DDX19A: variants seen among roughly 807,000 people sequenced by gnomAD.
DDX19A encodes the protein ATP-dependent RNA helicase DDX19A.
DDX19A carries 12 observed loss-of-function variants against 60.6 expected under a neutral mutation model. That is an observed-to-expected ratio of 0.20 (90% CI 0.13 to 0.32). DDX19A has a LOEUF of 0.32. Among genes scored for constraint, DDX19A ranks in the 10% least tolerant of loss-of-function variants. The probability of loss-of-function intolerance (pLI) is 1.00; values close to 1 mark genes in which losing one functional copy is unlikely to be tolerated. For synonymous variants in DDX19A, 206 were observed against 218.2 expected, an observed-to-expected ratio of 0.94 and a Z score of 0.49; for missense variants, 337 against 600.6, an observed-to-expected ratio of 0.56 and a Z score of 4.59.
At chr16:70,348,042 G>A (rs1963893893) in intron 1 of DDX19A, 1 of 436,152 alleles carries the variant, frequency 2.3e-6, no homozygotes, top group Non-Finnish European at 4.6e-6. Context: ...GGCTGGCAAG[G>A]ATTTATTGAA....
At chr16:70,366,284 G>T in intron 8 of DDX19A, 22 bp downstream of exon 8, 2 of 1,613,528 alleles carry the variant, frequency 1.2e-6, no homozygotes, top group South Asian at 1.1e-5. Flanking sequence ...GAGGGTGGGG[G>T]ACTCCTCAGA....
intron 2 of DDX19A, 44 bp from the exon 3 acceptor site, chr16:70,355,441 C>T: frequency 7.3e-7 from 1 of 1,372,960 alleles, no homozygotes; most frequent in Non-Finnish European, 1.0e-6. Context: ...TTTGGTGGTT[C>T]TCATATTTGC....
chr16:70,369,119 G>A (rs745362702), intron 9 of DDX19A, among the ~76,000 whole-genome samples: 2 of 151,216 alleles, frequency 1.3e-5, no homozygotes, highest in South Asian at 2.1e-4. Context: ...CGCCCGCCTC[G>A]GCCTCCCAAA....
rs1308743627 is a variant in DDX19A, at chr16:70,353,129, C to CTTTTTTTT, written c.107-2352_107-2345dup. ...TGCATTTGCGATTTTTTCTTTCTTT[C>CTTTTTTTT]TTTTTTTTTTTCTTTGAGATGGATT... On this transcript the variant is annotated intron_variant, in intron 2 of 11. Transcript: ENST00000302243. Among the ~76,000 whole-genome samples the CTTTTTTTT allele has an allele frequency of 1.5e-3, 222 of 144,670 alleles. 2 individuals carry two copies. Among genetic ancestry groups the CTTTTTTTT allele is most frequent in the African/African-American group, 5.0e-3 (194 of 38,796 alleles). The allele number at this position is 144,670 out of a possible 152,430, so 94.9% of individuals were successfully genotyped here.
chr16:70,358,172 A>G (rs923766856), intron 4 of DDX19A, among the ~76,000 whole-genome samples: 1 of 152,120 alleles, frequency 6.6e-6, no homozygotes, highest in Non-Finnish European at 1.5e-5. Context: ...CTGGGATTAC[A>G]GGCCTGAGCC....
chr16:70,370,153 A>C, intron 9 of DDX19A, 70 bp from the exon 10 acceptor site: 1 of 1,527,500 alleles, frequency 6.5e-7, no homozygotes, highest in Non-Finnish European at 8.8e-7. Context: ...AGTGACAGCA[A>C]GACTGTGTCT....
intron 1 of DDX19A, among the ~76,000 whole-genome samples, chr16:70,349,036 C>G (rs1020161027): frequency 1.3e-5 from 2 of 152,082 alleles, no homozygotes; most frequent in African/African-American, 4.8e-5. Flanking sequence ...GTGGGAGTCC[C>G]CAAGAGATGC....
At chr16:70,352,192 C>T (rs1396126677) in intron 2 of DDX19A, among the ~76,000 whole-genome samples, 3 of 149,966 alleles carry the variant, frequency 2.0e-5, no homozygotes, top group Admixed American at 6.7e-5. Flanking sequence ...TCAACCAAAA[C>T]GTGGCGTGAT....
Position 70,366,717 on chromosome 16 carries a change from T to G in DDX19A, c.876T>G (p.Asn292Lys). The change falls in exon 9 of 12, where the codon AAT (asparagine) becomes AAG (lysine). Residue 292 changes from asparagine (N) to lysine (K), a missense_variant. Physicochemically the swap from Asn to Lys is moderately conservative, Grantham distance 94. Around this residue, in one of 6 missense-constraint regions of DDX19A, gnomAD observed 117 missense variants for 274.3 expected, o/e 0.43. Coordinates refer to ENST00000302243, the MANE Select transcript of DDX19A (RefSeq NM_018332.5). ...KFAQKVVPDP[N>K]VIKLKREEET... ...CCCAGAAAGTGGTCCCAGACCCAAATGTTATCAAACTGAAGCGTGAGGAAG... is the reference window on the plus strand; with the variant it reads ...CCCAGAAAGTGGTCCCAGACCCAAAGGTTATCAAACTGAAGCGTGAGGAAG... 1 of 1,614,188 alleles carries G rather than the reference T, an allele frequency of 6.2e-7. No individual in the cohort carries two copies.
chr16:70,352,267 G>GCAGTTT (rs1042118852), intron 2 of DDX19A, among the ~76,000 whole-genome samples: 1 of 150,738 alleles, frequency 6.6e-6, no homozygotes, highest in Non-Finnish European at 1.5e-5. Flanking sequence ...ATCAATACAT[G>GCAGTTT]CAGTTTCATC....
intron 10 of DDX19A, 80 bp downstream of exon 10, chr16:70,370,465 G>C: frequency 6.5e-7 from 1 of 1,547,276 alleles, no homozygotes; most frequent in Non-Finnish European, 8.7e-7. Context: ...CTTGTATACA[G>C]GGAAGTCGGA....
chr16:70,349,779 CT>C (rs1963957512), intron 1 of DDX19A, among the ~76,000 whole-genome samples: 1 of 152,220 alleles, frequency 6.6e-6, no homozygotes, highest in African/African-American at 2.4e-5. Flanking sequence ...ATCTGTGATC[CT>C]AACCTAGCTG....
intron 2 of DDX19A, among the ~76,000 whole-genome samples, chr16:70,355,258 C>G (rs949896015): frequency 3.3e-5 from 5 of 152,038 alleles, no homozygotes; most frequent in African/African-American, 1.2e-4. Context: ...GTGCCTAATC[C>G]CAGCTACTCA....
At chr16:70,351,081 G>A (rs1435692638) in intron 2 of DDX19A, among the ~76,000 whole-genome samples, 3 of 149,502 alleles carry the variant, frequency 2.0e-5, no homozygotes, top group Admixed American at 6.7e-5. Context: ...ATAGGGTTTC[G>A]CCGTGTTAGC....
At chr16:70,354,207 G>A (rs1433613914) in intron 2 of DDX19A, among the ~76,000 whole-genome samples, 5 of 151,414 alleles carry the variant, frequency 3.3e-5, no homozygotes, top group Non-Finnish European at 5.9e-5. Context: ...GTGCAATGGC[G>A]TAATCTCAGC....
chr16:70,370,115 T>G (rs1964637602), intron 9 of DDX19A, 108 bp from the exon 10 acceptor site: 1 of 1,428,926 alleles, frequency 7.0e-7, no homozygotes, highest in African/African-American at 1.4e-5. Context: ...GATAATGACT[T>G]GAGCCCAGGA....
chr16:70,362,674 C>T (rs527968899), intron 5 of DDX19A, among the ~76,000 whole-genome samples: 1 of 152,124 alleles, frequency 6.6e-6, no homozygotes, highest in East Asian at 1.9e-4. Context: ...ACCTCCTGGG[C>T]TTAATTAATC....
intron 4 of DDX19A, among the ~76,000 whole-genome samples, chr16:70,357,843 G>T (rs1419646279): frequency 6.6e-6 from 1 of 151,992 alleles, no homozygotes; most frequent in African/African-American, 2.4e-5. Flanking sequence ...TGATGAATAA[G>T]AATATGGTGG....
chr16:70,371,737 A>T (rs147322909), intron 11 of DDX19A, among the ~76,000 whole-genome samples, 174 bp downstream of exon 11: 34 of 152,050 alleles, frequency 2.2e-4, no homozygotes, highest in Admixed American at 5.2e-4. Context: ...GGACCCAGGG[A>T]CTCCAAGGAC....
Sources: allele counts gnomAD v4.1 joint callset (sites outside exome capture counted in the v4.1 genomes callset), GRCh38; gene constraint gnomAD v4.1.1; regional missense constraint gnomAD v4.1.1; transcripts MANE v1.5; gene names NCBI Gene and HGNC (gene_info 2026-07-23, HGNC 2026-07-21).